Variants in MCF2L observed in about 807,000 individuals in gnomAD.
MCF2L encodes the protein MCF.2 cell line derived transforming sequence like.
In MCF2L, 97 loss-of-function variants were observed where a neutral mutation model predicts 153.4. The ratio of observed to expected loss-of-function variants is 0.63; its 90% CI spans 0.54 to 0.75. The LOEUF (loss-of-function observed/expected upper bound fraction) is 0.75. MCF2L is among the 30% of genes least tolerant of loss of function. The pLI, the probability that MCF2L is intolerant of heterozygous loss-of-function variation, is 0.00. For synonymous variants in MCF2L, 659 were observed against 632.2 expected (o/e 1.04, Z -0.64); for missense variants, 1,347 against 1,495.2 (o/e 0.90, Z 1.64).
chr13:112,968,477 G>T, upstream of MCF2L: 1 of 1,588,884 alleles, frequency 6.3e-7, no homozygotes, highest in Non-Finnish European at 8.5e-7. Flanking sequence ...GGCGAGGGTG[G>T]AGAGCCCCGT....
intron 2 of MCF2L, among the ~76,000 whole-genome samples, chr13:112,949,047 G>A (rs1384851158): frequency 2.6e-5 from 4 of 152,238 alleles, no homozygotes; most frequent in African/African-American, 9.6e-5. Flanking sequence ...GGGTGAAAGA[G>A]CAAGACTCCC....
chr13:113,077,361 G>C, intron 13 of MCF2L, 150 bp downstream of exon 13: 2 of 942,026 alleles, frequency 2.1e-6, no homozygotes, highest in Non-Finnish European at 3.0e-6. Context: ...TTCAGGGCCT[G>C]AGGGCCGGTT....
chr13:113,012,612 C>T (rs1444590734), intron 1 of MCF2L, among the ~76,000 whole-genome samples: 3 of 90,100 alleles, frequency 3.3e-5, no homozygotes, highest in Non-Finnish European at 6.9e-5. Flanking sequence ...CACTGTGATG[C>T]GGACGGTGGA....
rs1430317466 is a variant in MCF2L, at chr13:112,969,243, G to A, written c.-137G>A. The A allele has an allele frequency of 1.5e-6, 2 of 1,362,670 alleles. No individual in the cohort carries two copies. Among genetic ancestry groups the A allele is most frequent in the Non-Finnish European group, 1.9e-6 (2 of 1,049,728 alleles). The allele number at this position is 1,362,670 out of a possible 1,614,324, so 84.4% of individuals were successfully genotyped here. A position where few individuals can be genotyped will look rare whatever the true frequency, so the allele number is the denominator to read the frequency against. ...AACCAATCCTGGGCAGGGAGGCGGCGGCTGGAGGCTGAAAGCGCTGCCGTG... is the reference window on the plus strand; with the variant it reads ...AACCAATCCTGGGCAGGGAGGCGGCAGCTGGAGGCTGAAAGCGCTGCCGTG... On this transcript the variant is annotated 5_prime_UTR_variant, in exon 1 of 30. Transcript: ENST00000535094. The surrounding 1 kb of genome is among the most constrained non-coding windows in gnomAD (Gnocchi z 4.8).
rs1157626004 is a variant in MCF2L at position 112,969,630 on chromosome 13, G to GCGAT, written c.79+175_79+178dup. 1 of 670,556 alleles carries GCGAT rather than the reference G, an allele frequency of 1.5e-6. No homozygotes were observed. The highest frequency in any genetic ancestry group is 6.3e-5 in the Admixed American group (1 of 15,890). 41.5% of individuals were successfully genotyped at this position (670,556 alleles called of 1,614,324 possible). On this transcript the variant is annotated intron_variant, in intron 1 of 29. Transcript: ENST00000535094. The surrounding 1 kb of genome is among the most constrained non-coding windows in gnomAD (Gnocchi z 4.8). ...GCTGGTGTGTTTTCAGAGGCTGTCG[G>GCGAT]CGATCGTATGCTGCCCGGGATAGTC... is the stretch of plus-strand genomic sequence containing the variant.
At chr13:112,984,293 T>A (rs1347002852) in intron 1 of MCF2L, among the ~76,000 whole-genome samples, 2 of 151,800 alleles carry the variant, frequency 1.3e-5, no homozygotes, top group Non-Finnish European at 2.9e-5. Flanking sequence ...TGGAGTGCAA[T>A]GGTGTGATCT....
intron 2 of MCF2L, among the ~76,000 whole-genome samples, chr13:113,018,373 T>C (rs960251828): frequency 3.9e-5 from 6 of 152,228 alleles, no homozygotes; most frequent in African/African-American, 9.6e-5. Context: ...GCCACCCTAC[T>C]GTCCCCTCTA....
chr13:112,936,555 G>A (rs2081517468), intron 2 of MCF2L, among the ~76,000 whole-genome samples: 1 of 152,146 alleles, frequency 6.6e-6, no homozygotes, highest in African/African-American at 2.4e-5. Flanking sequence ...CAAGGGGTGT[G>A]ATTTATTCAC....
chr13:113,050,785 AG>A (rs1304006413), intron 4 of MCF2L, among the ~76,000 whole-genome samples: 1 of 3,492 alleles, frequency 2.9e-4, no homozygotes, highest in Non-Finnish European at 6.1e-4. Context: ...GGGGGGCGGC[AG>A]GGGGCGGTGG....
In MCF2L at chr13:113,097,799, C is replaced by G. The variant is rs1378125791; in HGVS notation, c.*940C>G. ...GTGCTGCCGACCATAGCTCAGAGAG[C>G]CCTGCCCCTGCCTCACTGCACTGCA... On this transcript the variant is annotated 3_prime_UTR_variant, in exon 30 of 30. Coordinates refer to ENST00000535094, the MANE Select transcript of MCF2L (RefSeq NM_001112732.3). 2 of 152,122 alleles carry G rather than the reference C, an allele frequency of 1.3e-5. No individual in the cohort carries two copies. Among genetic ancestry groups the G allele is most frequent in the Non-Finnish European group, 2.9e-5 (2 of 68,030 alleles). The allele number at this position is 152,122 out of a possible 1,614,324, so 9.4% of individuals were successfully genotyped here. A position where few individuals can be genotyped will look rare whatever the true frequency, so the allele number is the denominator to read the frequency against.
chr13:112,961,140 G>A (rs2081821109), intron 2 of MCF2L, among the ~76,000 whole-genome samples: 1 of 104,116 alleles, frequency 9.6e-6, no homozygotes, highest in Admixed American at 9.7e-5. Flanking sequence ...TTCTCCACGT[G>A]TGTCCATGTG....
intron 4 of MCF2L, 69 bp from the exon 5 acceptor site, chr13:113,060,524 G>A (rs2031208339): frequency 3.2e-6 from 5 of 1,580,490 alleles, no homozygotes; most frequent in East Asian, 2.2e-5. Context: ...CAGCGTGCAG[G>A]CACCGCACTA....
chr13:113,045,434 C>G lies in MCF2L; in HGVS notation c.369+73C>G. 7.9e-7 allele frequency: 1 copy of G among 1,264,352 alleles called. No individual in the cohort carries two copies. Among genetic ancestry groups the G allele is most frequent in the Admixed American group, 1.8e-5 (1 of 56,772 alleles). 78.3% of individuals were successfully genotyped at this position (1,264,352 alleles called of 1,614,324 possible). On this transcript the variant is annotated intron_variant, in intron 4 of 29. Coordinates refer to ENST00000535094, the MANE Select transcript of MCF2L (RefSeq NM_001112732.3). The surrounding 1 kb of genome is among the most constrained non-coding windows in gnomAD (Gnocchi z 4.2). ...TGCATGACCGCATGGTGCCCTTCCTCTGTGTCTGCCGCAGTTCCTGCTTTG... is the reference window on the plus strand; with the variant it reads ...TGCATGACCGCATGGTGCCCTTCCTGTGTGTCTGCCGCAGTTCCTGCTTTG...
chr13:113,088,152 C>A (rs952559494), intron 23 of MCF2L, among the ~76,000 whole-genome samples, 175 bp from the exon 24 acceptor site: 1 of 152,202 alleles, frequency 6.6e-6, no homozygotes, highest in Non-Finnish European at 1.5e-5. Context: ...GTGCATGGGG[C>A]ACAGAGGGTC....
chr13:113,075,382 C>A (rs1566848597), intron 11 of MCF2L, among the ~76,000 whole-genome samples, 193 bp downstream of exon 11: 8 of 144,354 alleles, frequency 5.5e-5, no homozygotes. Context: ...AGTTTTATTT[C>A]TTTTTTTTTT....
intron 11 of MCF2L, 33 bp downstream of exon 11, chr13:113,075,222 C>CA: frequency 6.4e-7 from 1 of 1,551,338 alleles, no homozygotes; most frequent in Non-Finnish European, 8.7e-7. Flanking sequence ...CCACTCCCCC[C>CA]CAGCTGCGGA....
chr13:113,025,897 T>C lies in MCF2L; in HGVS notation c.278+1139T>C, dbSNP rs12867670. Among the ~76,000 whole-genome samples the C allele has an allele frequency of 1.9e-3, 192 of 101,100 alleles. 6 individuals carry two copies. The highest frequency in any genetic ancestry group is 5.3e-3 in the Middle Eastern group (1 of 190). 66.3% of individuals were successfully genotyped at this position (101,100 alleles called of 152,430 possible). On this transcript the variant is annotated intron_variant, in intron 3 of 29. Transcript: ENST00000535094. ...GTCGGGGCAGAGTCCCTGTGAGGTT[T>C]CCCCATTGTGGGGTCCCCGTGACTG...
rs925110817 is a variant in MCF2L, at chr13:113,074,188, C to T, written c.997-256C>T. ...TGTGGTTGATAAACGGAGGCACACA[C>T]AAGCCACAGAGAAACAATTGTTCTG... On this transcript the variant is annotated intron_variant, in intron 9 of 29. Coordinates refer to ENST00000535094, the MANE Select transcript of MCF2L (RefSeq NM_001112732.3). This position sits in a 1 kb window ranked among gnomAD's most constrained non-coding sequence, Gnocchi z 4.2. 6.6e-6 allele frequency among the ~76,000 whole-genome samples: 1 copy of T among 152,188 alleles called. No homozygotes were observed. The highest frequency in any genetic ancestry group is 2.1e-4 in the South Asian group (1 of 4,830).
Position 113,076,095 on chromosome 13 carries a change from A to G in MCF2L, c.1438A>G (p.Lys480Glu), listed in dbSNP as rs2033445201. 2 of 1,614,056 alleles carry G rather than the reference A, an allele frequency of 1.2e-6. No homozygotes were observed. The highest frequency in any genetic ancestry group is 1.7e-6 in the Non-Finnish European group (2 of 1,180,020). ...EKFLETGAEN[K>E]IQELNAIYKE... ...GTTTTTGGAGACCGGTGCGGAAAAT[A>G]AGATCCAGGAGCTCAACGCGATTTA... Residue 480 changes from lysine (K) to glutamate (E), a missense_variant, in exon 12 of 30, where the codon AAG becomes GAG. Coordinates refer to ENST00000535094, the MANE Select transcript of MCF2L (RefSeq NM_001112732.3).
Sources: gnomAD v4.1 joint callset for allele counts (sites outside exome capture counted in the v4.1 genomes callset) on GRCh38, gnomAD v4.1.1 for gene constraint, Gnocchi (gnomAD v3.1) non-coding constraint, MANE v1.5 for transcripts, NCBI Gene and HGNC (gene_info 2026-07-23, HGNC 2026-07-21) for gene names.